CROCC: variants seen among roughly 807,000 people sequenced by gnomAD.
CROCC encodes the protein rootletin.
In CROCC, 180 loss-of-function variants were observed where a neutral mutation model predicts 245.2. That is an observed-to-expected ratio of 0.73 (90% confidence interval 0.65 to 0.83). The LOEUF (loss-of-function observed/expected upper bound fraction) is 0.83, where lower values mean the gene tolerates loss of function less well. Among genes scored for constraint, CROCC ranks in the 40% least tolerant of loss-of-function variants. The pLI, the probability that CROCC is intolerant of heterozygous loss-of-function variation, is 0.00. For missense variants in CROCC, 2,688 were observed against 2,779.4 expected, an observed-to-expected ratio of 0.97 and a Z score of 0.74; for synonymous variants, 1,205 against 1,241.6, an observed-to-expected ratio of 0.97 and a Z score of 0.62.
chr1:16,953,703 A>G, intron 21 of CROCC: 1 of 521,930 alleles, frequency 1.9e-6, no homozygotes, highest in Non-Finnish European at 3.4e-6. Context: ...AGTGACAGTG[A>G]CAGTCGTGAC....
At position 16,966,227 on chromosome 1, in the gene CROCC, C is replaced by G. The variant is rs748316725; in HGVS notation, c.4696+108C>G. The G allele has an allele frequency of 1.3e-6, 2 of 1,486,972 alleles. No homozygotes were observed. The highest frequency in any genetic ancestry group is 1.8e-6 in the Non-Finnish European group (2 of 1,111,520). 92.1% of individuals were successfully genotyped at this position (1,486,972 alleles called of 1,614,324 possible). A position where few individuals can be genotyped will look rare whatever the true frequency, so the allele number is the denominator to read the frequency against. On this transcript the variant is annotated intron_variant, in intron 29 of 36. Coordinates refer to ENST00000375541, the MANE Select transcript of CROCC (RefSeq NM_014675.5). The surrounding 1 kb of genome is among the most constrained non-coding windows in gnomAD (Gnocchi z 4.8). The stretch of plus-strand genomic sequence containing the variant: ...TTGCCGTGGCCCCCATGACCTGACT[C>G]GGGGCTGTCTCCAAGAGGACCCTCC...
intron 13 of CROCC, among the ~76,000 whole-genome samples, chr1:16,943,061 G>A (rs2075966301): frequency 6.6e-6 from 1 of 152,098 alleles, no homozygotes; most frequent in South Asian, 2.1e-4. Flanking sequence ...TGACCAACAT[G>A]GAGAAACCCT....
chr1:16,970,486 C>T (rs2076498527), intron 34 of CROCC, 33 bp downstream of exon 34: 3 of 1,529,378 alleles, frequency 2.0e-6, no homozygotes, highest in South Asian at 1.2e-5. Flanking sequence ...CCCTCACTTC[C>T]TCTGGGGCCT....
intron 13 of CROCC, chr1:16,941,408 G>A (rs1411572502): frequency 3.3e-5 from 5 of 152,416 alleles, no homozygotes; most frequent in East Asian, 1.9e-4. Context: ...CTGGGAGATA[G>A]AGCGAGACTC....
upstream of CROCC, among the ~76,000 whole-genome samples, chr1:16,919,752 G>T (rs1462162994): frequency 1.3e-5 from 2 of 152,262 alleles, no homozygotes; most frequent in Non-Finnish European, 2.9e-5. Flanking sequence ...GCATTTTTTT[G>T]TTGTTTTTGG....
chr1:16,923,398 G>A (rs1276311190), intron 2 of CROCC, among the ~76,000 whole-genome samples: 19 of 152,396 alleles, frequency 1.2e-4, no homozygotes, highest in African/African-American at 3.8e-4. Context: ...GGATGTTGGC[G>A]CCCTGGAGCC....
intron 8 of CROCC, among the ~76,000 whole-genome samples, chr1:16,931,640 G>A (rs1479748841): frequency 6.6e-6 from 1 of 152,266 alleles, no homozygotes; most frequent in African/African-American, 2.4e-5. Context: ...TTCCCTGTGA[G>A]GTAGGAACTG....
In CROCC at chr1:16,944,256, G is replaced by T; in HGVS notation, c.1965G>T (p.Ala655=). ...EEQEDAVQDG[A]RVRRELERSH... is the part of the protein sequence containing the mutation. ...AGGAGGACGCAGTGCAGGATGGCGC[G>T]CGGGTGCGCCGGGAGCTTGAGCGCA... Residue 655 remains alanine, a synonymous_variant, in exon 14 of 37, where the codon GCG becomes GCT. Coordinates refer to ENST00000375541, the MANE Select transcript of CROCC (RefSeq NM_014675.5). The T allele has an allele frequency of 6.5e-7, 1 of 1,542,012 alleles. No homozygotes were observed. The highest frequency in any genetic ancestry group is 2.5e-5 in the East Asian group (1 of 40,748).
chr1:16,965,953 T>C, intron 28 of CROCC, 46 bp from the exon 29 acceptor site: 2 of 1,602,458 alleles, frequency 1.2e-6, no homozygotes, highest in Non-Finnish European at 1.7e-6. Flanking sequence ...GGTTGCAGGG[T>C]GTCAGAGCAG....
rs762403087 is a variant in CROCC at position 16,971,530 on chromosome 1, G to A, written c.5850G>A (p.Gln1950=). Residue 1950 remains glutamine, a synonymous_variant, in exon 36 of 37, where the codon CAG becomes CAA. Transcript: ENST00000375541. The part of the protein sequence containing the change: ...PAQLEVDAQQ[Q]QLELQQEVER... ...AGCTGGAGGTGGATGCGCAGCAGCA[G>A]CAGCTGGAGCTGCAGCAGGAGGTGG... 30 of 1,536,940 alleles carry A rather than the reference G, an allele frequency of 2.0e-5. No individual in the cohort carries two copies. In the South Asian group the frequency reaches 3.5e-4, roughly 18 times the overall value.
intron 1 of CROCC, among the ~76,000 whole-genome samples, chr1:16,914,273 C>T (rs1277308837): frequency 5.3e-5 from 8 of 152,148 alleles, no homozygotes; most frequent in African/African-American, 1.7e-4. Flanking sequence ...TGCCGCGGCC[C>T]GGCACCGGAG....
intron 26 of CROCC, 29 bp from the exon 27 acceptor site, chr1:16,960,729 C>T (rs966100688): frequency 6.8e-7 from 1 of 1,475,316 alleles, no homozygotes; most frequent in Admixed American, 2.2e-5. Flanking sequence ...AGAGGTCTTG[C>T]CGACCTCCAC....
At chr1:16,946,139 C>A in intron 15 of CROCC, 120 bp from the exon 16 acceptor site, 3 of 1,141,656 alleles carry the variant, frequency 2.6e-6, no homozygotes, top group Non-Finnish European at 2.5e-6. Context: ...CACACTGTGT[C>A]CCCTCCTTGT....
Position 16,944,273 on chromosome 1 carries a change from T to C in CROCC, c.1982T>C (p.Leu661Pro). The C allele has an allele frequency of 6.5e-7, 1 of 1,539,868 alleles. No homozygotes were observed. Among genetic ancestry groups the C allele is most frequent in the Non-Finnish European group, 8.8e-7 (1 of 1,141,624 alleles). ...VQDGARVRRELERSHRQLEQL... is the reference protein window; with the variant it reads ...VQDGARVRREPERSHRQLEQL... ...GATGGCGCGCGGGTGCGCCGGGAGC[T>C]TGAGCGCAGGTGAGCAGCATCTCGC... The change falls in exon 14 of 37, where the codon CTT becomes CCT. Residue 661 changes from leucine (L) to proline (P), a missense_variant. Transcript: ENST00000375541.
chr1:16,950,166 C>T (rs569365221), intron 19 of CROCC, among the ~76,000 whole-genome samples: 119 of 151,310 alleles, frequency 7.9e-4, no homozygotes, highest in Non-Finnish European at 1.6e-3. Context: ...TGCATTCAAG[C>T]GATTCTCCTG....
intron 2 of CROCC, among the ~76,000 whole-genome samples, chr1:16,923,158 G>T (rs1570581705): frequency 6.6e-6 from 1 of 152,278 alleles, no homozygotes; most frequent in African/African-American, 2.4e-5. Flanking sequence ...AGGGTTTTGC[G>T]GAAGTCTGAG....
At chr1:16,947,767 A>G (rs558165852) in intron 17 of CROCC, among the ~76,000 whole-genome samples, 1 of 152,380 alleles carries the variant, frequency 6.6e-6, no homozygotes, top group South Asian at 2.1e-4. Context: ...AGTTTAGAGT[A>G]ATACAAGGGT....
intron 14 of CROCC, among the ~76,000 whole-genome samples, chr1:16,944,557 T>A (rs1456667173): frequency 1.3e-5 from 2 of 152,310 alleles, no homozygotes; most frequent in Admixed American, 6.5e-5. Flanking sequence ...AGCAGTAGTA[T>A]TTTAAAAATT....
At chr1:16,948,550 C>A in intron 18 of CROCC, 26 bp downstream of exon 18, 5 of 1,500,842 alleles carry the variant, frequency 3.3e-6, no homozygotes, top group South Asian at 1.3e-5. Context: ...CTGCCCAACC[C>A]GCCCTGGGGG....
Sources: allele counts gnomAD v4.1 joint callset (sites outside exome capture counted in the v4.1 genomes callset), GRCh38; gene constraint gnomAD v4.1.1; non-coding constraint Gnocchi (gnomAD v3.1); transcripts MANE v1.5; gene names NCBI Gene and HGNC (gene_info 2026-07-23, HGNC 2026-07-21).